E2F3: variants seen among roughly 807,000 people sequenced by gnomAD.
The protein encoded by E2F3 is E2F transcription factor 3, also known as transcription factor E2F3.
E2F3 carries 11 observed loss-of-function variants against 44.4 expected under a neutral mutation model. The observed-to-expected ratio is 0.25, with a 90% CI of 0.16 to 0.41. E2F3 has a LOEUF of 0.41. Ranked by LOEUF, E2F3 falls within the 10% of genes least tolerant of loss-of-function variation. The pLI is 1.00. For missense variants in E2F3, 487 were observed against 583.6 expected, an observed-to-expected ratio of 0.83 and a Z score of 1.70; for synonymous variants, 249 against 253.0, an observed-to-expected ratio of 0.98 and a Z score of 0.15.
intron 1 of E2F3, among the ~76,000 whole-genome samples, chr6:20,450,841 A>C (rs958200412): frequency 1.3e-4 from 20 of 152,250 alleles, no homozygotes; most frequent in Non-Finnish European, 2.5e-4. Context: ...AATCTTCTGC[A>C]TATGGCTAGC....
Position 20,490,196 on chromosome 6 carries a change from C to T in E2F3, c.1164C>T (p.Ser388=), listed in dbSNP as rs201589320. The change falls in exon 7 of 7, where the codon AGC becomes AGT. Residue 388 remains serine (S), a synonymous_variant. Coordinates refer to ENST00000346618, the MANE Select transcript of E2F3 (RefSeq NM_001949.5). This position sits in a 1 kb window ranked among gnomAD's most constrained non-coding sequence, Gnocchi z 4.3. ...KDLASTNSGH[S]DCSVSMGNLS... Reference sequence around the variant, plus strand: ...TGGCTTCAACCAACTCAGGACATAGCGATTGCTCAGTTTCTATGGGAAACC... The same window carrying T: ...TGGCTTCAACCAACTCAGGACATAGTGATTGCTCAGTTTCTATGGGAAACC... 78 of 1,613,364 alleles carry T rather than the reference C, an allele frequency of 4.8e-5. No individual in the cohort carries two copies. In the East Asian group the frequency reaches 1.6e-3, roughly 33 times the overall value.
intron 4 of E2F3, among the ~76,000 whole-genome samples, chr6:20,483,956 G>T (rs1762311177): frequency 6.6e-6 from 1 of 152,198 alleles, no homozygotes; most frequent in South Asian, 2.1e-4. Flanking sequence ...GTTGACCAAA[G>T]AATTAACCTT....
intron 1 of E2F3, among the ~76,000 whole-genome samples, chr6:20,462,913 G>T: frequency 1.1e-5 from 1 of 93,380 alleles, no homozygotes; most frequent in African/African-American, 4.3e-5. Flanking sequence ...GGGTCTCACT[G>T]TATCACCCAG....
intron 2 of E2F3, 26 bp from the exon 3 acceptor site, chr6:20,481,180 C>G: frequency 6.2e-7 from 1 of 1,609,616 alleles, no homozygotes; most frequent in Non-Finnish European, 8.5e-7. Context: ...TATCCCCCAC[C>G]CGCTCGGTTT....
In E2F3 at chr6:20,429,813, T is replaced by C. The variant is rs568300169; in HGVS notation, c.393+27188T>C. Among the ~76,000 whole-genome samples the C allele has an allele frequency of 5.3e-5, 8 of 152,278 alleles. No individual in the cohort carries two copies. In the South Asian group the frequency reaches 1.7e-3, roughly 32 times the overall value. ...ACAAATAAAATGTGTGCTTACTACA[T>C]TTTAATTGCTCTTTTTTATGCAAAT... On this transcript the variant is annotated intron_variant, in intron 1 of 6. Coordinates refer to ENST00000346618, the MANE Select transcript of E2F3 (RefSeq NM_001949.5).
Position 20,491,681 on chromosome 6 carries a change from T to C in E2F3, c.*1251T>C, listed in dbSNP as rs1015613846. On this transcript the variant is annotated 3_prime_UTR_variant, in exon 7 of 7. Coordinates refer to ENST00000346618, the MANE Select transcript of E2F3 (RefSeq NM_001949.5). ...CCTCTAGGGAGAAAGACATCCCCAT[T>C]GTGTGAGTGGCATTTCCTTAAGCTG... 1.6e-5 allele frequency: 3 copies of C among 184,568 alleles called. No individual in the cohort carries two copies. The highest frequency in any genetic ancestry group is 3.5e-5 in the Non-Finnish European group (3 of 86,752). 11.4% of individuals were successfully genotyped at this position (184,568 alleles called of 1,614,324 possible).
chr6:20,439,043 G>A (rs1243814082), intron 1 of E2F3, among the ~76,000 whole-genome samples: 1 of 152,146 alleles, frequency 6.6e-6, no homozygotes, highest in Non-Finnish European at 1.5e-5. Context: ...TGACTTTGGG[G>A]AAGACATAAA....
In E2F3 at chr6:20,467,567, A is replaced by C. The variant is rs188219952; in HGVS notation, c.394-12279A>C. ...TGCCTTCTTGGTGCCCAAAGTCCTT[A>C]GGGGTGCTTTCTGATGTCGCTGCAT... On this transcript the variant is annotated intron_variant, in intron 1 of 6. Coordinates refer to ENST00000346618, the MANE Select transcript of E2F3 (RefSeq NM_001949.5). Among the ~76,000 whole-genome samples, 695 of 152,194 alleles carry C rather than the reference A, an allele frequency of 4.6e-3. 3 individuals carry two copies. Among genetic ancestry groups the C allele is most frequent in the Non-Finnish European group, 7.4e-3 (505 of 68,014 alleles).
Position 20,407,301 on chromosome 6 carries a change from T to A in E2F3, c.393+4676T>A, listed in dbSNP as rs577116808. On this transcript the variant is annotated intron_variant, in intron 1 of 6. Transcript: ENST00000346618. ...TTGGGCACTACAGGTAGCTCCACTA[T>A]AATCAGTACCAAGGGCGCCACTCTA... Among the ~76,000 whole-genome samples the A allele has an allele frequency of 1.4e-3, 206 of 152,294 alleles. 1 individual carries two copies. Among genetic ancestry groups the A allele is most frequent in the African/African-American group, 4.6e-3 (193 of 41,552 alleles).
rs561186193 is a variant in E2F3, at chr6:20,411,455, G to A, written c.393+8830G>A. Among the ~76,000 whole-genome samples, 21 of 151,878 alleles carry A rather than the reference G, an allele frequency of 1.4e-4. No individual in the cohort carries two copies. In the South Asian group the frequency reaches 3.7e-3, roughly 27 times the overall value. ...GATCTATTCCTACCCCTTCCCCTTC[G>A]CCTTGCCCTCTGCCTGGCTCTTAGA... is the stretch of plus-strand genomic sequence containing the variant. On this transcript the variant is annotated intron_variant, in intron 1 of 6. Transcript: ENST00000346618.
intron 4 of E2F3, among the ~76,000 whole-genome samples, chr6:20,486,366 G>C (rs183160583): frequency 6.6e-6 from 1 of 152,136 alleles, no homozygotes; most frequent in Admixed American, 6.5e-5. Flanking sequence ...TCCACCTCCC[G>C]GGTTCATGCC....
At chr6:20,486,322 G>A (rs555933654) in intron 4 of E2F3, among the ~76,000 whole-genome samples, 3 of 152,312 alleles carry the variant, frequency 2.0e-5, no homozygotes, top group African/African-American at 7.2e-5. Context: ...GCCCAGGCTG[G>A]AGTGCAGTGG....
chr6:20,452,991 TTTTGTTTG>T (rs138463851), intron 1 of E2F3, among the ~76,000 whole-genome samples: 5,948 of 151,116 alleles, frequency 0.039, 334 homozygotes, highest in African/African-American at 0.13. Context: ...GTTTCTTTCT[TTTTGTTTG>T]TTTGTTTGTT....
At chr6:20,421,798 A>C (rs1760036864) in intron 1 of E2F3, 1 of 152,280 alleles carries the variant, frequency 6.6e-6, no homozygotes, top group Non-Finnish European at 1.5e-5. Context: ...GGCATAGCGC[A>C]CTACAGCCCA....
chr6:20,481,168 C>G, intron 2 of E2F3, 38 bp from the exon 3 acceptor site: 1 of 1,597,698 alleles, frequency 6.3e-7, no homozygotes. Context: ...TACCTTTCCC[C>G]CTATCCCCCA....
At chr6:20,477,764 A>C (rs1762094179) in intron 1 of E2F3, among the ~76,000 whole-genome samples, 1 of 152,364 alleles carries the variant, frequency 6.6e-6, no homozygotes. Context: ...TTTACTATTC[A>C]TTACTGGAAG....
At chr6:20,454,631 GT>G (rs369235218) in intron 1 of E2F3, among the ~76,000 whole-genome samples, 285 of 152,278 alleles carry the variant, frequency 1.9e-3, no homozygotes, top group African/African-American at 6.6e-3. Context: ...AGCAAAACTG[GT>G]TTCTATAATA....
chr6:20,437,270 G>A (rs1047879413), intron 1 of E2F3, among the ~76,000 whole-genome samples: 2 of 152,178 alleles, frequency 1.3e-5, no homozygotes, highest in African/African-American at 4.8e-5. Context: ...AAATTTGATA[G>A]CTTTTGAAAT....
chr6:20,477,545 C>T (rs1320354809), intron 1 of E2F3, among the ~76,000 whole-genome samples: 1 of 152,074 alleles, frequency 6.6e-6, no homozygotes, highest in Non-Finnish European at 1.5e-5. Context: ...AGCCAGGTTT[C>T]TCCAACTTTA....
Sources: allele counts gnomAD v4.1 joint callset (sites outside exome capture counted in the v4.1 genomes callset), GRCh38; gene constraint gnomAD v4.1.1; non-coding constraint Gnocchi (gnomAD v3.1); transcripts MANE v1.5; gene names NCBI Gene and HGNC (gene_info 2026-07-23, HGNC 2026-07-21).